The following BCL2L10 variants were observed in gnomAD, a reference collection of about 807,000 sequenced individuals.
BCL2L10 encodes BCL2 like 10, also known as bcl-2-like protein 10.
Under a neutral mutation model 11.1 loss-of-function variants are expected in BCL2L10, and 14 were observed. The observed-to-expected ratio is 1.26, with a 90% confidence interval of 0.83 to 1.96. The LOEUF (loss-of-function observed/expected upper bound fraction) is 1.96, where lower values mean the gene tolerates loss of function less well. Among genes scored for constraint, BCL2L10 ranks in the 30% most tolerant of loss-of-function variants. The probability of loss-of-function intolerance (pLI) is 0.00; values close to 1 mark genes in which losing one functional copy is unlikely to be tolerated. For synonymous variants in BCL2L10, 154 were observed against 133.4 expected (o/e 1.15, Z -1.07); for missense variants, 309 against 273.9 (o/e 1.13, Z -0.90).
At chr15:52,110,043 C>A (rs1028495859) in intron 1 of BCL2L10, 70 bp from the exon 2 acceptor site, 2 of 1,432,738 alleles carry the variant, frequency 1.4e-6, no homozygotes, top group African/African-American at 1.4e-5. Flanking sequence ...CACGCAGGAA[C>A]TTCCAGATTA....
Position 52,112,474 on chromosome 15 carries a change from C to T in BCL2L10, c.253G>A (p.Val85Met), listed in dbSNP as rs766553014. The T allele has an allele frequency of 5.6e-6, 9 of 1,603,834 alleles. No individual in the cohort carries two copies. Among genetic ancestry groups the T allele is most frequent in the Non-Finnish European group, 4.2e-6 (5 of 1,178,992 alleles). ...GTGGGGCCGGGGCTGTCGGAGAGCA[C>T]GGAATCCGCCATCAGCGCCACCAGC... Reference protein sequence around the residue: ...FELVALMADSVLSDSPGPTWG... With the variant: ...FELVALMADSMLSDSPGPTWG... The change falls in exon 1 of 2, where the codon GTG (valine) becomes ATG (methionine). Residue 85 changes from valine (V) to methionine (M), a missense_variant. Physicochemically the swap from Val to Met is conservative, Grantham distance 21. Transcript: ENST00000260442.
Position 52,112,430 on chromosome 15 carries a change from C to A in BCL2L10, c.297G>T (p.Thr99=), listed in dbSNP as rs1377381261. 6.2e-7 allele frequency: 1 copy of A among 1,607,278 alleles called. No homozygotes were observed. The highest frequency in any genetic ancestry group is 1.1e-5 in the South Asian group (1 of 90,930). ...SPGPTWGRVV[T]LVTFAGTLLE... ...GCAGCGTCCCTGCGAAGGTCACGAG[C>A]GTCACCACTCTGCCCCAGGTGGGGC... Residue 99 remains threonine, a synonymous_variant, in exon 1 of 2, where the codon ACG becomes ACT. Transcript: ENST00000260442.
Position 52,109,620 on chromosome 15 carries a change from C to T in BCL2L10, c.*228G>A, listed in dbSNP as rs1432543380. The T allele has an allele frequency of 1.8e-5, 9 of 503,042 alleles. No individual in the cohort carries two copies. The highest frequency in any genetic ancestry group is 6.9e-6 in the Non-Finnish European group (2 of 288,416). The allele number at this position is 503,042 out of a possible 1,614,324, so 31.2% of individuals were successfully genotyped here. ...TTTGGCATAAAGAGGCTCTAGACTC[C>T]CCATTTCTTTCACTCAAGGAAGAGC... On this transcript the variant is annotated 3_prime_UTR_variant, in exon 2 of 2. Transcript: ENST00000260442.
At chr15:52,112,193 G>A in intron 1 of BCL2L10, 45 bp downstream of exon 1, 5 of 1,432,046 alleles carry the variant, frequency 3.5e-6, no homozygotes, top group Non-Finnish European at 4.5e-6. Flanking sequence ...GGCGCTTCCC[G>A]GCTGCCCGTC....
chr15:52,111,173 AACACACACACAC>A lies in BCL2L10; in HGVS notation c.489+1053_489+1064del, dbSNP rs71130130. On this transcript the variant is annotated intron_variant, in intron 1 of 1. Transcript: ENST00000260442. ...ATGGTGAAAGCCCATCTCTACTGAA[AACACACACACAC>A]ACACACACACACACACACACACACA... Among the ~76,000 whole-genome samples the A allele has an allele frequency of 8.0e-4, 98 of 121,800 alleles. 1 individual carries two copies. The highest frequency in any genetic ancestry group is 1.1e-3 in the Admixed American group (13 of 11,572). The allele number at this position is 121,800 out of a possible 152,430, so 79.9% of individuals were successfully genotyped here.
chr15:52,112,097 G>A, intron 1 of BCL2L10, 141 bp downstream of exon 1: 2 of 1,376,928 alleles, frequency 1.5e-6, no homozygotes, highest in Non-Finnish European at 1.9e-6. Flanking sequence ...GAACGTTCCA[G>A]GCCCGCTGAA....
At chr15:52,111,239 C>T (rs1309150595) in intron 1 of BCL2L10, among the ~76,000 whole-genome samples, 2 of 147,674 alleles carry the variant, frequency 1.4e-5, no homozygotes, top group East Asian at 2.0e-4. Context: ...CTTGGTGGGG[C>T]GCGCCTGTAG....
rs1017070926 is a variant in BCL2L10, at chr15:52,109,753, G to A, written c.*95C>T. 5.3e-6 allele frequency: 8 copies of A among 1,511,470 alleles called. No individual in the cohort carries two copies. In the African/African-American group the frequency reaches 5.6e-5, roughly 11 times the overall value. 93.6% of individuals were successfully genotyped at this position (1,511,470 alleles called of 1,614,324 possible). ...GCATTCAGATAAAAACGTCTGGGGT[G>A]GGGGAAGGTGCTTTCCCTCAGTTCT... On this transcript the variant is annotated 3_prime_UTR_variant, in exon 2 of 2. Coordinates refer to ENST00000260442, the MANE Select transcript of BCL2L10 (RefSeq NM_020396.4).
Position 52,112,545 on chromosome 15 carries a change from C to T in BCL2L10, c.182G>A (p.Arg61Gln). ...GCCGAGGTAGGCGGAGAAAAAGGAC[C>T]GGTGAATCTGCCGTAACCTGGCGGC... ...SAAARLRQIH[R>Q]SFFSAYLGYP... Residue 61 changes from arginine to glutamine, a missense_variant, in exon 1 of 2, where the codon CGG becomes CAG. Transcript: ENST00000260442. 6.3e-7 allele frequency: 1 copy of T among 1,588,718 alleles called. No individual in the cohort carries two copies. The highest frequency in any genetic ancestry group is 8.5e-7 in the Non-Finnish European group (1 of 1,173,150).
At position 52,112,577 on chromosome 15, in the gene BCL2L10, GCGCAGCAC is replaced by G; in HGVS notation, c.142_149del (p.Val48LeufsTer169). ...TCTGCCGTAACCTGGCGGCCGCGGA[GCGCAGCAC>G]GGCGGCCTCGGGCGTGGATGGCGCC... On this transcript the variant is annotated frameshift_variant, in exon 1 of 2. Transcript: ENST00000260442. LOFTEE classifies it high-confidence loss of function. 1.3e-6 allele frequency: 2 copies of G among 1,579,156 alleles called. No homozygotes were observed. Among genetic ancestry groups the G allele is most frequent in the South Asian group, 2.3e-5 (2 of 87,658 alleles).
chr15:52,109,946 G>A lies in BCL2L10; in HGVS notation c.517C>T (p.Pro173Ser). 6.2e-7 allele frequency: 1 copy of A among 1,612,872 alleles called. No homozygotes were observed. The highest frequency in any genetic ancestry group is 8.5e-7 in the Non-Finnish European group (1 of 1,179,508). Residue 173 changes from proline (P) to serine (S), a missense_variant, in exon 2 of 2, where the codon CCC becomes TCC. Pro to Ser is a moderately conservative substitution (Grantham distance 74, BLOSUM62 -1). Transcript: ENST00000260442. ...TTTCTCCAAAAAGCCAGTGGAAAGG[G>A]GGTCCTGAAGAAGTGACAAAAGCCA... Reference protein sequence around the residue: ...WDGFCHFFRTPFPLAFWRKQL... With the variant: ...WDGFCHFFRTSFPLAFWRKQL...
rs768015580 is a variant in BCL2L10 at position 52,112,194 on chromosome 15, G to A, written c.489+44C>T. The A allele has an allele frequency of 1.4e-5, 20 of 1,432,444 alleles. No homozygotes were observed. The South Asian group carries it at 2.8e-4, about 20-fold the overall frequency. 88.7% of individuals were successfully genotyped at this position (1,432,444 alleles called of 1,614,324 possible). The stretch of plus-strand genomic sequence containing the variant: ...GTGCCAGCCTCGTGGGCGCTTCCCG[G>A]CTGCCCGTCCCGCCCCGTGTCCCGG... On this transcript the variant is annotated intron_variant, in intron 1 of 1. Coordinates refer to ENST00000260442, the MANE Select transcript of BCL2L10 (RefSeq NM_020396.4).
Position 52,112,562 on chromosome 15 carries a change from C to T in BCL2L10, c.165G>A (p.Arg55=). The T allele has an allele frequency of 1.9e-6, 3 of 1,582,726 alleles. No homozygotes were observed. Among genetic ancestry groups the T allele is most frequent in the Non-Finnish European group, 2.6e-6 (3 of 1,171,346 alleles). ...EAAVLRSAAA[R]LRQIHRSFFS... ...AAAAGGACCGGTGAATCTGCCGTAA[C>T]CTGGCGGCCGCGGAGCGCAGCACGG... The change falls in exon 1 of 2, where the codon AGG becomes AGA. Residue 55 remains arginine, a synonymous_variant. Coordinates refer to ENST00000260442, the MANE Select transcript of BCL2L10 (RefSeq NM_020396.4).
At position 52,112,332 on chromosome 15, in the gene BCL2L10, C is replaced by T. The variant is rs776111197; in HGVS notation, c.395G>A (p.Gly132Asp). 6.3e-7 allele frequency: 1 copy of T among 1,591,662 alleles called. No homozygotes were observed. The highest frequency in any genetic ancestry group is 1.1e-5 in the South Asian group (1 of 88,788). ...GFQPRLKEQE[G>D]DVARDCQRLV... ...GCGCTGGCAGTCCCGGGCGACGTCG[C>T]CCTCCTGCTCCTTTAGCCGCGGCTG... Residue 132 changes from glycine (G) to aspartate (D), a missense_variant, in exon 1 of 2, where the codon GGC (glycine) becomes GAC (aspartate). Coordinates refer to ENST00000260442, the MANE Select transcript of BCL2L10 (RefSeq NM_020396.4).
chr15:52,111,820 G>A (rs987528943), intron 1 of BCL2L10, among the ~76,000 whole-genome samples: 8 of 152,214 alleles, frequency 5.3e-5, no homozygotes, highest in Admixed American at 1.3e-4. Flanking sequence ...CTCCAAAGGC[G>A]CATTTAATAG....
chr15:52,109,956 G>T lies in BCL2L10; in HGVS notation c.507C>A (p.Phe169Leu). 1 of 1,612,210 alleles carries T rather than the reference G, an allele frequency of 6.2e-7. No homozygotes were observed. The highest frequency in any genetic ancestry group is 1.1e-5 in the South Asian group (1 of 90,728). The change falls in exon 2 of 2, where the codon TTC becomes TTA. Residue 169 changes from phenylalanine to leucine, a missense_variant. Coordinates refer to ENST00000260442, the MANE Select transcript of BCL2L10 (RefSeq NM_020396.4). ...AQGGWDGFCHFFRTPFPLAFW... is the reference protein window; with the variant it reads ...AQGGWDGFCHLFRTPFPLAFW... Reference sequence around the variant, plus strand: ...AAGCCAGTGGAAAGGGGGTCCTGAAGAAGTGACAAAAGCCATCCTACAGGG... The same window carrying T: ...AAGCCAGTGGAAAGGGGGTCCTGAATAAGTGACAAAAGCCATCCTACAGGG...
chr15:52,112,393 G>T lies in BCL2L10; in HGVS notation c.334C>A (p.Pro112Thr). 1 of 1,606,772 alleles carries T rather than the reference G, an allele frequency of 6.2e-7. No homozygotes were observed. ...TFAGTLLERGPLVTARWKKWG... is the reference protein window; with the variant it reads ...TFAGTLLERGTLVTARWKKWG... ...TTCTTCCACCGGGCGGTCACCAGCG[G>T]CCCTCTCTCCAGCAGCGTCCCTGCG... The change falls in exon 1 of 2, where the codon CCG becomes ACG. Residue 112 changes from proline (P) to threonine (T), a missense_variant. Pro to Thr is a conservative substitution (Grantham distance 38). Transcript: ENST00000260442.
Position 52,111,353 on chromosome 15 carries a change from G to A in BCL2L10, c.489+885C>T, listed in dbSNP as rs144588337. Among the ~76,000 whole-genome samples, 66 of 152,120 alleles carry A rather than the reference G, an allele frequency of 4.3e-4. No homozygotes were observed. The East Asian group carries it at 7.3e-3, about 17-fold the overall frequency. On this transcript the variant is annotated intron_variant, in intron 1 of 1. Transcript: ENST00000260442. ...CCGCACTCCAGCCTGGCCACAGAGC[G>A]AGACTCCGCCTCAAAGAAAAAAAGA...
intron 1 of BCL2L10, among the ~76,000 whole-genome samples, chr15:52,110,464 G>A (rs961187815): frequency 6.6e-6 from 1 of 151,444 alleles, no homozygotes; most frequent in Non-Finnish European, 1.5e-5. Flanking sequence ...ACAGAGTTTC[G>A]CTCTTGGTGC....
Sources: allele counts gnomAD v4.1 joint callset (sites outside exome capture counted in the v4.1 genomes callset), GRCh38; gene constraint gnomAD v4.1.1; transcripts MANE v1.5; gene names NCBI Gene and HGNC (gene_info 2026-07-23, HGNC 2026-07-21).